Variants in DRC8 observed in about 807,000 individuals in gnomAD.
The protein encoded by DRC8 is dynein regulatory complex protein 8.
the DRC8 span, among the ~76,000 whole-genome samples, chr1:245,077,303 A>G: frequency 6.6e-6 from 1 of 152,150 alleles, no homozygotes; most frequent in Non-Finnish European, 1.5e-5. Context: ...ATGACATTGG[A>G]ATATACCATA....
chr1:245,002,568 G>A, the DRC8 span, among the ~76,000 whole-genome samples: 164 of 152,036 alleles, frequency 1.1e-3, 3 homozygotes, highest in South Asian at 0.012. Flanking sequence ...TCTGTTGCCC[G>A]AGCTGAAGTA....
At chr1:245,016,398 C>T in the DRC8 span, among the ~76,000 whole-genome samples, 6 of 152,198 alleles carry the variant, frequency 3.9e-5, no homozygotes, top group Non-Finnish European at 5.9e-5. Flanking sequence ...CTGGTTCCTT[C>T]CCCTCCTTCA....
the DRC8 span, among the ~76,000 whole-genome samples, chr1:245,027,681 C>A: frequency 6.6e-6 from 1 of 152,060 alleles, no homozygotes; most frequent in African/African-American, 2.4e-5. Flanking sequence ...TCTCTCCCAA[C>A]CCCCAATTTA....
At chr1:244,993,326 ACT>A in the DRC8 span, among the ~76,000 whole-genome samples, 3 of 151,938 alleles carry the variant, frequency 2.0e-5, no homozygotes, top group African/African-American at 7.3e-5. Flanking sequence ...GAATGCACTC[ACT>A]CTCTCCAAAG....
the DRC8 span, chr1:245,122,486 G>A: frequency 1.3e-5 from 2 of 152,772 alleles, no homozygotes; most frequent in South Asian, 4.1e-4. Context: ...TGGAGACAGG[G>A]TTTCACTGTC....
chr1:245,007,702 G>C, the DRC8 span, among the ~76,000 whole-genome samples: 50 of 152,276 alleles, frequency 3.3e-4, no homozygotes, highest in African/African-American at 1.2e-3. Flanking sequence ...AAAAAATATG[G>C]CAGATTAGGA....
At chr1:245,009,840 T>C in the DRC8 span, among the ~76,000 whole-genome samples, 1 of 151,984 alleles carries the variant, frequency 6.6e-6, no homozygotes, top group African/African-American at 2.4e-5. Flanking sequence ...TTAATTTATA[T>C]ATGATGCATG....
the DRC8 span, among the ~76,000 whole-genome samples, chr1:245,043,609 GACA>G: frequency 1.3e-5 from 2 of 152,000 alleles, no homozygotes; most frequent in African/African-American, 2.4e-5. Flanking sequence ...TTTTCAAAGG[GACA>G]ACATTTTATT....
At chr1:245,110,368 A>C in the DRC8 span, among the ~76,000 whole-genome samples, 1 of 148,214 alleles carries the variant, frequency 6.7e-6, no homozygotes, top group African/African-American at 2.5e-5. Flanking sequence ...TGGGCGACAG[A>C]ATGAGGTTCC....
chr1:244,970,759 T>G, the DRC8 span: 9 of 388,816 alleles, frequency 2.3e-5, no homozygotes, highest in Admixed American at 6.0e-5. Context: ...TTCACCCTCT[T>G]CCCCTCCTCC....
chr1:245,049,809 T>C, the DRC8 span, among the ~76,000 whole-genome samples: 1 of 152,166 alleles, frequency 6.6e-6, no homozygotes, highest in Non-Finnish European at 1.5e-5. This position sits in a 1 kb window ranked among gnomAD's most constrained non-coding sequence, Gnocchi z 4.5. Context: ...GCAGTCGCAG[T>C]GGCAGGTAGC....
At chr1:245,091,659 T>C in the DRC8 span, 1 of 152,234 alleles carries the variant, frequency 6.6e-6, no homozygotes, top group East Asian at 1.9e-4. Flanking sequence ...CTTTGTGGAA[T>C]GTAATTCATT....
At chr1:245,087,068 A>T in the DRC8 span, 1 of 904,586 alleles carries the variant, frequency 1.1e-6, no homozygotes, top group Non-Finnish European at 1.7e-6. Flanking sequence ...CAGGGTGTAC[A>T]ATAGCCTTGT....
chr1:244,989,380 C>T, the DRC8 span, among the ~76,000 whole-genome samples: 10 of 152,262 alleles, frequency 6.6e-5, no homozygotes, highest in South Asian at 8.3e-4. Context: ...TGGCTGTGAT[C>T]GTTTCTCAGG....
chr1:245,006,580 T>C, the DRC8 span, among the ~76,000 whole-genome samples: 6 of 152,056 alleles, frequency 3.9e-5, no homozygotes, highest in Non-Finnish European at 8.8e-5. Context: ...GCTGGGATTG[T>C]AGTCTAATCG....
At chr1:245,114,876 C>T in the DRC8 span, among the ~76,000 whole-genome samples, 1 of 151,756 alleles carries the variant, frequency 6.6e-6, no homozygotes, top group Non-Finnish European at 1.5e-5. Context: ...GAGGCACATG[C>T]CACCATGCCC....
the DRC8 span, among the ~76,000 whole-genome samples, chr1:244,994,461 G>C: frequency 6.6e-6 from 1 of 151,950 alleles, no homozygotes; most frequent in South Asian, 2.1e-4. Flanking sequence ...ATGGAGTCTT[G>C]CTCTGTTACC....
the DRC8 span, chr1:245,002,030 C>T: frequency 3.8e-6 from 4 of 1,044,410 alleles, no homozygotes; most frequent in African/African-American, 6.3e-5. Flanking sequence ...AGTGAAAATA[C>T]CAGGGATGAT....
chr1:245,090,459 C>T, the DRC8 span, among the ~76,000 whole-genome samples: 59,213 of 151,800 alleles, frequency 0.39, 11,741 homozygotes, highest in Middle Eastern at 0.42. Context: ...TTGACTGTTC[C>T]CTGCGTTGCA....
Sources: gnomAD v4.1 joint callset for allele counts (sites outside exome capture counted in the v4.1 genomes callset) on GRCh38, gnomAD v4.1.1 for gene constraint, Gnocchi (gnomAD v3.1) non-coding constraint, MANE v1.5 for transcripts, NCBI Gene and HGNC (gene_info 2026-07-23, HGNC 2026-07-21) for gene names.